The following TACC1 variants were observed in gnomAD, a reference collection of about 807,000 sequenced individuals.
TACC1 encodes transforming acidic coiled-coil containing protein 1.
A neutral mutation model predicts 84.4 loss-of-function variants in TACC1; 48 were observed. The ratio of observed to expected loss-of-function variants is 0.57; its 90% CI spans 0.45 to 0.72. The LOEUF (loss-of-function observed/expected upper bound fraction) is 0.72, where lower values mean the gene tolerates loss of function less well. Ranked by LOEUF, TACC1 falls within the 30% of genes least tolerant of loss-of-function variation. The pLI is 0.00. For synonymous variants in TACC1, 372 were observed against 376.3 expected, an observed-to-expected ratio of 0.99 and a Z score of 0.13; for missense variants, 920 against 973.0, an observed-to-expected ratio of 0.95 and a Z score of 0.72.
intron 11 of TACC1, among the ~76,000 whole-genome samples, chr8:38,845,448 A>G (rs1200915661): frequency 6.6e-6 from 1 of 152,184 alleles, no homozygotes; most frequent in Admixed American, 6.5e-5. Flanking sequence ...TATAAATACT[A>G]TGATTTTGAA....
chr8:38,754,190 G>A (rs934377549), intron 3 of TACC1, among the ~76,000 whole-genome samples: 1 of 152,084 alleles, frequency 6.6e-6, no homozygotes, highest in Admixed American at 6.5e-5. Context: ...CTGAACTCAA[G>A]TGCCACCTGC....
At chr8:38,764,583 A>G (rs1050240185) in intron 3 of TACC1, among the ~76,000 whole-genome samples, 1 of 152,110 alleles carries the variant, frequency 6.6e-6, no homozygotes, top group Admixed American at 6.5e-5. Context: ...CTGGTATATT[A>G]ATTTTTCCAT....
intron 2 of TACC1, among the ~76,000 whole-genome samples, chr8:38,815,118 A>G (rs998443024): frequency 1.6e-4 from 24 of 152,204 alleles, no homozygotes; most frequent in African/African-American, 4.8e-4. Context: ...ATGCCACACC[A>G]TCCACTCCTG....
At chr8:38,830,972 A>G (rs1277486490) in intron 5 of TACC1, among the ~76,000 whole-genome samples, 153 bp from the exon 6 acceptor site, 1 of 152,246 alleles carries the variant, frequency 6.6e-6, no homozygotes, top group Non-Finnish European at 1.5e-5. Flanking sequence ...AGCACTCAAC[A>G]AAATGCCAGC....
At chr8:38,825,751 C>G (rs1827899255) in intron 4 of TACC1, among the ~76,000 whole-genome samples, 1 of 152,098 alleles carries the variant, frequency 6.6e-6, no homozygotes, top group African/African-American at 2.4e-5. Context: ...TTGCTTTCAA[C>G]AATAGAGGAA....
intron 7 of TACC1, among the ~76,000 whole-genome samples, chr8:38,836,598 T>C (rs1204354738): frequency 6.6e-6 from 1 of 152,248 alleles, no homozygotes; most frequent in African/African-American, 2.4e-5. Flanking sequence ...AAATCAGTGC[T>C]TTTATTTTAC....
rs1438855326 is a variant in TACC1, at chr8:38,819,704, A to G, written c.460A>G (p.Ile154Val). The G allele has an allele frequency of 9.9e-6, 16 of 1,614,088 alleles. No homozygotes were observed. The highest frequency in any genetic ancestry group is 1.3e-5 in the African/African-American group (1 of 74,940). The change falls in exon 3 of 13, where the codon ATA (isoleucine) becomes GTA (valine). Residue 154 changes from isoleucine to valine, a missense_variant. By Grantham distance (29) the Ile-to-Val change is conservative. Around this residue, in one of 2 missense-constraint regions of TACC1, gnomAD observed 762 missense variants for 747.3 expected, o/e 1.02. Transcript: ENST00000317827. The stretch of plus-strand genomic sequence containing the variant: ...AATTTCCATCGTGAGGCCATTTTCA[A>G]TAGAAACGAAGGATTCCACGGATAT... The part of the protein sequence containing the change: ...SKISIVRPFS[I>V]ETKDSTDISA...
intron 5 of TACC1, 69 bp from the exon 6 acceptor site, chr8:38,831,056 A>G: frequency 6.2e-6 from 9 of 1,460,350 alleles, no homozygotes; most frequent in Non-Finnish European, 8.6e-6. Context: ...GGGGTTTCCA[A>G]GAGCCTTTCA....
intron 12 of TACC1, 98 bp from the exon 13 acceptor site, chr8:38,847,857 C>G: frequency 1.1e-6 from 1 of 950,786 alleles, no homozygotes; most frequent in Non-Finnish European, 1.6e-6. Flanking sequence ...ATTAGGATGT[C>G]TAGGGTAGGG....
Position 38,739,589 on chromosome 8 carries a change from C to T in TACC1, c.-674-2762C>T, listed in dbSNP as rs4281089. 9.0e-3 allele frequency among the ~76,000 whole-genome samples: 1,374 copies of T among 152,318 alleles called. 11 individuals are homozygous for T. Among genetic ancestry groups the T allele is most frequent in the Non-Finnish European group, 0.014 (933 of 68,028 alleles). On this transcript the variant is annotated intron_variant, in intron 1 of 14. Coordinates refer to the TACC1 transcript ENST00000518415. ...TACAGTTAGATTGATTTGTCACAGTCGGCATTTCATCTGCATTTCCTCTGA... is the reference window on the plus strand; with the variant it reads ...TACAGTTAGATTGATTTGTCACAGTTGGCATTTCATCTGCATTTCCTCTGA...
chr8:38,752,245 A>G (rs1161431950), intron 3 of TACC1, among the ~76,000 whole-genome samples: 2 of 152,142 alleles, frequency 1.3e-5, no homozygotes, highest in East Asian at 3.8e-4. Context: ...TGAGGCAGGC[A>G]GATTGCCTGA....
chr8:38,796,848 T>C (rs374009063), intron 2 of TACC1, among the ~76,000 whole-genome samples: 1 of 152,336 alleles, frequency 6.6e-6, no homozygotes, highest in East Asian at 1.9e-4. Flanking sequence ...CCTTTGTTGG[T>C]GATCTCTGGC....
intron 2 of TACC1, among the ~76,000 whole-genome samples, chr8:38,804,765 G>A (rs779068331): frequency 7.2e-5 from 11 of 152,148 alleles, no homozygotes; most frequent in Non-Finnish European, 1.5e-4. Flanking sequence ...ACTGTACTCA[G>A]CTAATTTTTA....
chr8:38,748,763 C>T (rs1267855798), intron 3 of TACC1, among the ~76,000 whole-genome samples: 1 of 152,052 alleles, frequency 6.6e-6, no homozygotes, highest in Non-Finnish European at 1.5e-5. Flanking sequence ...TATAAATACA[C>T]ATTTCAAAAT....
At chr8:38,813,951 A>C (rs1824842869) in intron 2 of TACC1, among the ~76,000 whole-genome samples, 1 of 152,180 alleles carries the variant, frequency 6.6e-6, no homozygotes, top group Admixed American at 6.5e-5. Flanking sequence ...CTTTGTGGGC[A>C]TTGAAAAGTC....
intron 3 of TACC1, among the ~76,000 whole-genome samples, chr8:38,750,327 A>T (rs1228891830): frequency 1.3e-5 from 2 of 152,238 alleles, no homozygotes. Flanking sequence ...CAACCTGATT[A>T]AGGGCATCTA....
intron 1 of TACC1, 124 bp downstream of exon 1, chr8:38,787,867 G>C (rs1027796151): frequency 1.0e-6 from 1 of 972,590 alleles, no homozygotes; most frequent in Non-Finnish European, 1.4e-6. Flanking sequence ...CCGCGTCCCT[G>C]CCCGGAGCCG....
At chr8:38,835,780 T>A (rs1830103755) in intron 6 of TACC1, among the ~76,000 whole-genome samples, 1 of 152,256 alleles carries the variant, frequency 6.6e-6, no homozygotes, top group African/African-American at 2.4e-5. Context: ...TGTTTTTGTT[T>A]TTGCTTTTTT....
At chr8:38,779,156 A>G (rs1815444850) in intron 3 of TACC1, among the ~76,000 whole-genome samples, 1 of 151,782 alleles carries the variant, frequency 6.6e-6, no homozygotes, top group East Asian at 1.9e-4. Context: ...TAATTTTTTT[A>G]TAGAGATGGG....
Sources: allele counts gnomAD v4.1 joint callset (sites outside exome capture counted in the v4.1 genomes callset), GRCh38; gene constraint gnomAD v4.1.1; regional missense constraint gnomAD v4.1.1; transcripts MANE v1.5; gene names NCBI Gene and HGNC (gene_info 2026-07-23, HGNC 2026-07-21).